Variants in OAS3 observed in about 807,000 individuals in gnomAD.
OAS3 encodes the protein 2'-5'-oligoadenylate synthase 3.
OAS3 carries 107 observed loss-of-function variants against 113.0 expected under a neutral mutation model. The ratio of observed to expected loss-of-function variants is 0.95; its 90% CI spans 0.81 to 1.11. The LOEUF is 1.11. Ranked by LOEUF, OAS3 falls within the 50% of genes most tolerant of loss-of-function variation. The pLI is 0.00. For missense variants in OAS3, 1,258 were observed against 1,389.1 expected, an observed-to-expected ratio of 0.91 and a Z score of 1.50; for synonymous variants, 552 against 573.6, an observed-to-expected ratio of 0.96 and a Z score of 0.54.
chr12:112,950,749 C>T lies in OAS3; in HGVS notation c.1431C>T (p.Ile477=), dbSNP rs866076688. ...DLRDGCDVEL[I]IFLNCFTDYK... Reference sequence around the variant, plus strand: ...GGGATGGCTGTGATGTTGAACTCATCATCTTCCTCAACTGCTTCACGGACT... The same window carrying T: ...GGGATGGCTGTGATGTTGAACTCATTATCTTCCTCAACTGCTTCACGGACT... Residue 477 remains isoleucine, a synonymous_variant, in exon 7 of 16, where the codon ATC becomes ATT. Transcript: ENST00000228928. 1 of 1,614,062 alleles carries T rather than the reference C, an allele frequency of 6.2e-7. No homozygotes were observed. The highest frequency in any genetic ancestry group is 8.5e-7 in the Non-Finnish European group (1 of 1,179,902).
chr12:112,948,882 T>C lies in OAS3; in HGVS notation c.1051T>C (p.Ser351Pro), dbSNP rs2043759105. ...KGPGLPRAGC[S>P]GLGHPIQLDP... is the part of the protein sequence containing the mutation. ...CCAGGGCCTTCCACGTGCTGGATGCTCAGGTTTGGGCCACCCCATCCAGCT... is the reference window on the plus strand; with the variant it reads ...CCAGGGCCTTCCACGTGCTGGATGCCCAGGTTTGGGCCACCCCATCCAGCT... The change falls in exon 6 of 16, where the codon TCA (serine) becomes CCA (proline). Residue 351 changes from serine (S) to proline (P), a missense_variant. Physicochemically the swap from Ser to Pro is moderately conservative, Grantham distance 74. Transcript: ENST00000228928. 9.5e-6 allele frequency: 15 copies of C among 1,584,862 alleles called. No individual in the cohort carries two copies. Among genetic ancestry groups the C allele is most frequent in the Non-Finnish European group, 1.3e-5 (15 of 1,164,312 alleles).
intron 5 of OAS3, among the ~76,000 whole-genome samples, chr12:112,948,326 A>T (rs1046636366): frequency 6.6e-6 from 1 of 151,984 alleles, no homozygotes; most frequent in Admixed American, 6.6e-5. Context: ...AATATGGTGA[A>T]ACCTTGTCTC....
Position 112,961,168 on chromosome 12 carries a change from G to C in OAS3, c.1755G>C (p.Glu585Asp). 6.2e-7 allele frequency: 1 copy of C among 1,613,378 alleles called. No individual in the cohort carries two copies. The highest frequency in any genetic ancestry group is 8.5e-7 in the Non-Finnish European group (1 of 1,179,884). The change falls in exon 8 of 16, where the codon GAG (glutamate) becomes GAC (aspartate). Residue 585 changes from glutamate (E) to aspartate (D), a missense_variant. By Grantham distance (45) the Glu-to-Asp change is conservative. Coordinates refer to ENST00000228928, the MANE Select transcript of OAS3 (RefSeq NM_006187.4). ...QEGEHKACFA[E>D]LRRNFMNIRP... ...GCGAGCATAAGGCCTGCTTCGCAGA[G>C]CTGCGGAGGAACTTCATGAACATTC...
At position 112,946,775 on chromosome 12, in the gene OAS3, G is replaced by A; in HGVS notation, c.669G>A (p.Leu223=). 1 of 1,612,552 alleles carries A rather than the reference G, an allele frequency of 6.2e-7. No individual in the cohort carries two copies. The highest frequency in any genetic ancestry group is 8.5e-7 in the Non-Finnish European group (1 of 1,179,372). The change falls in exon 4 of 16, where the codon CTG becomes CTA. Residue 223 remains leucine (L), a synonymous_variant. Transcript: ENST00000228928. ...TACAGGGGTTGTGGAAGGAGACGCT[G>A]CCCCCGGTCTATGCCCTGGAATTGC... ...VCLQGLWKET[L]PPVYALELLT...
intron 6 of OAS3, 65 bp from the exon 7 acceptor site, chr12:112,950,628 G>A (rs902018107): frequency 6.4e-7 from 1 of 1,566,218 alleles, no homozygotes; most frequent in Non-Finnish European, 8.7e-7. Flanking sequence ...CGCAGGTGAT[G>A]GGATCGTAGT....
chr12:112,953,319 A>C (rs2043807774), intron 7 of OAS3, among the ~76,000 whole-genome samples: 1 of 152,122 alleles, frequency 6.6e-6, no homozygotes, highest in Non-Finnish European at 1.5e-5. Flanking sequence ...ACATGAACTC[A>C]TCCTTTTTTA....
intron 2 of OAS3, chr12:112,942,424 T>TA (rs113666418): frequency 0.025 from 4,016 of 158,724 alleles, 185 homozygotes; most frequent in African/African-American, 0.091. Context: ...GAAGTGTGTC[T>TA]AGTGGGCCAG....
chr12:112,965,798 G>A lies in OAS3; in HGVS notation c.2458G>A (p.Val820Met), dbSNP rs1469114070. The change falls in exon 12 of 16, where the codon GTG becomes ATG. Residue 820 changes from valine (V) to methionine (M), a missense_variant. By Grantham distance (21) the Val-to-Met change is conservative. Coordinates refer to ENST00000228928, the MANE Select transcript of OAS3 (RefSeq NM_006187.4). ...ALRGRSDADL[V>M]VFLSCFSQFT... The stretch of plus-strand genomic sequence containing the variant: ...GCGAGGCCGCTCAGATGCCGACCTC[G>A]TGGTGTTCCTCAGCTGCTTCAGCCA... The A allele has an allele frequency of 5.6e-6, 9 of 1,613,672 alleles. No homozygotes were observed. The highest frequency in any genetic ancestry group is 1.7e-4 in the Middle Eastern group (1 of 6,038).
chr12:112,965,721 G>A (rs1593185158), intron 11 of OAS3, 23 bp from the exon 12 acceptor site: 1 of 1,592,124 alleles, frequency 6.3e-7, no homozygotes, highest in South Asian at 1.1e-5. Flanking sequence ...CAAGGGTTGA[G>A]CCACCTGCCA....
chr12:112,945,703 C>T (rs1039922144), intron 3 of OAS3, among the ~76,000 whole-genome samples: 6 of 152,224 alleles, frequency 3.9e-5, no homozygotes, highest in Admixed American at 2.0e-4. Flanking sequence ...TGGACAAGTT[C>T]CTAGCCTTCT....
chr12:112,938,815 C>A, intron 1 of OAS3, 108 bp downstream of exon 1: 1 of 879,962 alleles, frequency 1.1e-6, no homozygotes, highest in Non-Finnish European at 1.6e-6. Context: ...TTGTGCACCT[C>A]ATTCATTTCT....
rs574800301 is a variant in OAS3 at position 112,971,029 on chromosome 12, C to G, written c.*1056C>G. The G allele has an allele frequency of 1.3e-5, 2 of 152,478 alleles. No homozygotes were observed. The highest frequency in any genetic ancestry group is 4.1e-4 in the South Asian group (2 of 4,826). 9.4% of individuals were successfully genotyped at this position (152,478 alleles called of 1,614,324 possible). On this transcript the variant is annotated 3_prime_UTR_variant, in exon 16 of 16. Transcript: ENST00000228928. ...CTAGAGCAAGGCCCACCAGGTCCAT[C>G]CAGGAGGCTCTCCTGACCTCAAGTC...
chr12:112,959,321 G>A (rs1001743902), intron 7 of OAS3, among the ~76,000 whole-genome samples: 3 of 152,112 alleles, frequency 2.0e-5, no homozygotes, highest in South Asian at 2.1e-4. Flanking sequence ...GCCCTGCTTC[G>A]GCTCATGGTC....
chr12:112,969,684 G>T lies in OAS3; in HGVS notation c.3181G>T (p.Ala1061Ser), dbSNP rs530806651. ...NARWDLLAKE[A>S]AACTSALCCM... is the part of the protein sequence containing the mutation. The stretch of plus-strand genomic sequence containing the variant: ...CCGCTGGGACCTGCTGGCCAAGGAA[G>T]CTGCAGCCTGCACATCTGCCCTGTG... Residue 1061 changes from alanine to serine, a missense_variant, in exon 15 of 16, where the codon GCT (alanine) becomes TCT (serine). Ala to Ser is a moderately conservative substitution (Grantham distance 99). Transcript: ENST00000228928. The T allele has an allele frequency of 1.2e-6, 2 of 1,612,240 alleles. No individual in the cohort carries two copies. The highest frequency in any genetic ancestry group is 1.1e-5 in the South Asian group (1 of 90,480).
chr12:112,944,555 T>C lies in OAS3; in HGVS notation c.540T>C (p.His180=), dbSNP rs1288393960. Residue 180 remains histidine (H), a synonymous_variant, in exon 3 of 16, where the codon CAT becomes CAC. Coordinates refer to ENST00000228928, the MANE Select transcript of OAS3 (RefSeq NM_006187.4). ...LLNSGCQGGE[H]AACFTELRRN... ...ACAGTGGCTGCCAAGGGGGCGAGCA[T>C]GCGGCCTGCTTCACAGAGCTGCGGA... 1 of 1,614,060 alleles carries C rather than the reference T, an allele frequency of 6.2e-7. No homozygotes were observed. The highest frequency in any genetic ancestry group is 8.5e-7 in the Non-Finnish European group (1 of 1,179,892).
chr12:112,952,684 T>A (rs7970631), intron 7 of OAS3, among the ~76,000 whole-genome samples: 119 of 152,300 alleles, frequency 7.8e-4, no homozygotes, highest in African/African-American at 2.7e-3. Context: ...TCAGAAAGGG[T>A]TTATGAGTGA....
At chr12:112,959,738 G>C (rs1314406293) in intron 7 of OAS3, among the ~76,000 whole-genome samples, 5 of 151,808 alleles carry the variant, frequency 3.3e-5, no homozygotes, top group Admixed American at 3.3e-4. Flanking sequence ...TCAGTTTCTT[G>C]GACCTGTCTT....
chr12:112,969,797 A>G (rs1254508133), intron 15 of OAS3, 42 bp downstream of exon 15: 1 of 1,607,222 alleles, frequency 6.2e-7, no homozygotes, highest in Non-Finnish European at 8.5e-7. Context: ...CTTTAGGGGT[A>G]AGGGGGGAGC....
Position 112,948,854 on chromosome 12 carries a change from C to A in OAS3, c.1030-7C>A. 6.5e-7 allele frequency: 1 copy of A among 1,548,780 alleles called. No homozygotes were observed. The highest frequency in any genetic ancestry group is 1.2e-5 in the South Asian group (1 of 84,204). On this transcript the variant is annotated splice_polypyrimidine_tract_variant and splice_region_variant and intron_variant, in intron 5 of 15. Coordinates refer to ENST00000228928, the MANE Select transcript of OAS3 (RefSeq NM_006187.4). ...TGGCTGAGGCAGCTCCTTCAATGAC[C>A]TTCCAGGGCCTTCCACGTGCTGGAT...
Sources: allele counts gnomAD v4.1 joint callset (sites outside exome capture counted in the v4.1 genomes callset), GRCh38; gene constraint gnomAD v4.1.1; transcripts MANE v1.5; gene names NCBI Gene and HGNC (gene_info 2026-07-23, HGNC 2026-07-21).